Variants in KLF13 observed in about 807,000 individuals in gnomAD.
KLF13 encodes the protein KLF transcription factor 13.
KLF13 carries 8 observed loss-of-function variants against 16.7 expected under a neutral mutation model. The ratio of observed to expected loss-of-function variants is 0.48; its 90% CI spans 0.28 to 0.87. The LOEUF is 0.87. KLF13 is among the 40% of genes least tolerant of loss of function. The pLI is 0.10. For synonymous variants in KLF13, 245 were observed against 208.4 expected, an observed-to-expected ratio of 1.18 and a Z score of -1.51; for missense variants, 447 against 452.2, an observed-to-expected ratio of 0.99 and a Z score of 0.10.
chr15:31,379,661 G>A (rs1475820652), downstream of KLF13, among the ~76,000 whole-genome samples: 1 of 152,196 alleles, frequency 6.6e-6, no homozygotes, highest in African/African-American at 2.4e-5. Context: ...TCTCTGGCAT[G>A]CGTGTAGCAC....
At chr15:31,430,714 T>G (rs1444368016) in intron 1 of KLF13, among the ~76,000 whole-genome samples, 1 of 152,206 alleles carries the variant, frequency 6.6e-6, no homozygotes, top group African/African-American at 2.4e-5. Flanking sequence ...ACAAAATGTT[T>G]CAACAAGTTG....
At chr15:31,385,486 A>G (rs2039784501) in intron 1 of KLF13, among the ~76,000 whole-genome samples, 1 of 152,184 alleles carries the variant, frequency 6.6e-6, no homozygotes, top group East Asian at 1.9e-4. Flanking sequence ...TATTGGTGCC[A>G]TTTTTCCAAC....
At chr15:31,423,982 GC>G (rs1286072754) in intron 1 of KLF13, among the ~76,000 whole-genome samples, 1 of 152,048 alleles carries the variant, frequency 6.6e-6, no homozygotes, top group Non-Finnish European at 1.5e-5. Flanking sequence ...AAATTTGATA[GC>G]CTAGAAGAAA....
intron 1 of KLF13, among the ~76,000 whole-genome samples, chr15:31,369,026 T>A (rs1413842397): frequency 6.6e-6 from 1 of 152,222 alleles, no homozygotes; most frequent in Non-Finnish European, 1.5e-5. Flanking sequence ...TTAGATATTT[T>A]CTGTTATCCT....
intron 1 of KLF13, chr15:31,420,040 A>C: frequency 3.2e-6 from 1 of 308,580 alleles, no homozygotes; most frequent in Non-Finnish European, 6.3e-6. Flanking sequence ...TGTTATATTC[A>C]AAGTGCTGGA....
chr15:31,415,192 G>A (rs1451665270), intron 1 of KLF13, among the ~76,000 whole-genome samples: 1 of 152,154 alleles, frequency 6.6e-6, no homozygotes. Flanking sequence ...ACCAGAAGTA[G>A]ATGTTGGTAC....
intron 2 of KLF13, among the ~76,000 whole-genome samples, chr15:31,397,236 T>TGGGGG (rs2039965238): frequency 4.9e-4 from 1 of 2,022 alleles, no homozygotes; most frequent in Non-Finnish European, 1.1e-3. Flanking sequence ...CGGGGTGGGG[T>TGGGGG]GGGGTGGGGC....
intron 1 of KLF13, among the ~76,000 whole-genome samples, chr15:31,423,554 C>T (rs537049845): frequency 2.8e-4 from 43 of 152,030 alleles, no homozygotes; most frequent in Non-Finnish European, 5.7e-4. Flanking sequence ...ATGGCTTGAA[C>T]CCAGGAAGCG....
At chr15:31,329,060 T>A (rs189037333) in intron 1 of KLF13, among the ~76,000 whole-genome samples, 3 of 152,314 alleles carry the variant, frequency 2.0e-5, no homozygotes, top group African/African-American at 7.2e-5. Flanking sequence ...GCCCAAGGTC[T>A]GCAGGTGAGG....
At chr15:31,383,916 TAAATAAATA>T (rs897326094) in intron 1 of KLF13, among the ~76,000 whole-genome samples, 1 of 134,506 alleles carries the variant, frequency 7.4e-6, no homozygotes, top group African/African-American at 3.2e-5. Flanking sequence ...AATAAATAAA[TAAATAAATA>T]AAATAAAATA....
At chr15:31,430,218 G>T (rs1437314993) in intron 1 of KLF13, among the ~76,000 whole-genome samples, 11 of 151,996 alleles carry the variant, frequency 7.2e-5, no homozygotes, top group Non-Finnish European at 1.6e-4. Flanking sequence ...GTCACAAAGT[G>T]AAAGAAGATA....
At chr15:31,364,135 C>T (rs35911773) in intron 1 of KLF13, among the ~76,000 whole-genome samples, 2,111 of 102,176 alleles carry the variant, frequency 0.021, 24 homozygotes, top group Non-Finnish European at 0.029. Context: ...GTTTCCCCCA[C>T]GTCATTGTTT....
At chr15:31,433,983 G>A (rs112479976) in intron 1 of KLF13, among the ~76,000 whole-genome samples, 1,984 of 152,266 alleles carry the variant, frequency 0.013, 40 homozygotes, top group African/African-American at 0.046. Flanking sequence ...TCTTTTTTGA[G>A]CACCTGCCAG....
At chr15:31,425,053 A>T (rs1395273634) in intron 1 of KLF13, among the ~76,000 whole-genome samples, 1 of 152,176 alleles carries the variant, frequency 6.6e-6, no homozygotes, top group Non-Finnish European at 1.5e-5. Flanking sequence ...TGAAAAAAAT[A>T]ATATACTCAG....
intron 2 of KLF13, among the ~76,000 whole-genome samples, chr15:31,398,851 T>G (rs2039992966): frequency 2.6e-5 from 4 of 152,184 alleles, no homozygotes; most frequent in Admixed American, 2.6e-4. Flanking sequence ...CAAGAAGCCG[T>G]GGGCAAGCCC....
At chr15:31,380,286 CTG>C (rs2039708103), downstream of KLF13, among the ~76,000 whole-genome samples, 1 of 152,226 alleles carries the variant, frequency 6.6e-6, no homozygotes, top group Admixed American at 6.5e-5. Context: ...GAGCGAAACT[CTG>C]TCTCAAAAAC....
Position 31,351,560 on chromosome 15 carries a change from G to A in KLF13, c.578-20450G>A, listed in dbSNP as rs369479689. On this transcript the variant is annotated intron_variant, in intron 1 of 1. Transcript: ENST00000307145. The stretch of plus-strand genomic sequence containing the variant: ...CAGCCGTCCACCTCATTATTTTCAG[G>A]GGGAGTTCCCAGGAGCCTGCAAAGG... 1.1e-4 allele frequency among the ~76,000 whole-genome samples: 17 copies of A among 152,318 alleles called. 1 individual carries two copies. The highest frequency in any genetic ancestry group is 5.9e-4 in the Admixed American group (9 of 15,304).
chr15:31,355,482 T>C (rs1325734218), intron 1 of KLF13, among the ~76,000 whole-genome samples: 1 of 152,186 alleles, frequency 6.6e-6, no homozygotes, highest in Non-Finnish European at 1.5e-5. Flanking sequence ...TGTACGTTCA[T>C]TGTGATAAGC....
At position 31,327,658 on chromosome 15, in the gene KLF13, A is replaced by G; in HGVS notation, c.446A>G (p.Gln149Arg). ...PAGSGEPGLR[Q>R]RVRRGRSRAD... ...GGGAGCGGCGAGCCCGGCCTCAGAC[A>G]AAGGGTCCGGCGGGGCCGAAGTCGC... Residue 149 changes from glutamine to arginine, a missense_variant, in exon 1 of 2, where the codon CAA becomes CGA. By Grantham distance (43) the Gln-to-Arg change is conservative. This residue lies in a region of KLF13 where 359 missense variants were observed against 282.8 expected (regional missense o/e 1.27). Transcript: ENST00000307145. The G allele has an allele frequency of 1.3e-6, 2 of 1,484,820 alleles. No homozygotes were observed. The highest frequency in any genetic ancestry group is 2.5e-5 in the South Asian group (2 of 80,904). 92.0% of individuals were successfully genotyped at this position (1,484,820 alleles called of 1,614,324 possible).
Sources: gnomAD v4.1 joint callset for allele counts (sites outside exome capture counted in the v4.1 genomes callset) on GRCh38, gnomAD v4.1.1 for gene constraint, gnomAD v4.1.1 regional missense constraint, MANE v1.5 for transcripts, NCBI Gene and HGNC (gene_info 2026-07-23, HGNC 2026-07-21) for gene names.